Variants in JPH1 observed in about 807,000 individuals in gnomAD.
The protein encoded by JPH1 is junctophilin 1.
In JPH1, 12 loss-of-function variants were observed where a neutral mutation model predicts 53.6. The ratio of observed to expected loss-of-function variants is 0.22; its 90% CI spans 0.14 to 0.36. The LOEUF (loss-of-function observed/expected upper bound fraction) is 0.36, where lower values mean the gene tolerates loss of function less well. Ranked by LOEUF, JPH1 falls within the 10% of genes least tolerant of loss-of-function variation. JPH1 has a pLI of 1.00. For missense variants in JPH1, 808 were observed against 905.5 expected, an observed-to-expected ratio of 0.89 and a Z score of 1.38; for synonymous variants, 375 against 363.8, an observed-to-expected ratio of 1.03 and a Z score of -0.35.
intron 3 of JPH1, among the ~76,000 whole-genome samples, chr8:74,247,372 T>C (rs1805888586): frequency 6.6e-6 from 1 of 152,198 alleles, no homozygotes; most frequent in Non-Finnish European, 1.5e-5. Flanking sequence ...ATAATTAAAA[T>C]AGTCAAGGGC....
At chr8:74,300,945 T>C (rs756831914) in intron 2 of JPH1, among the ~76,000 whole-genome samples, 1 of 152,120 alleles carries the variant, frequency 6.6e-6, no homozygotes, top group African/African-American at 2.4e-5. Context: ...CCCGCCCCAT[T>C]TCCCCAACCA....
chr8:74,257,442 T>A (rs1370214337), intron 3 of JPH1, among the ~76,000 whole-genome samples: 1 of 152,182 alleles, frequency 6.6e-6, no homozygotes, highest in East Asian at 1.9e-4. Context: ...CCCAACAGAA[T>A]TAACAGAACC....
intron 3 of JPH1, among the ~76,000 whole-genome samples, chr8:74,246,493 G>T (rs1464500409): frequency 6.6e-6 from 1 of 152,036 alleles, no homozygotes; most frequent in Non-Finnish European, 1.5e-5. Flanking sequence ...TAATGAGGCT[G>T]CTATTTAATT....
At chr8:74,262,095 G>C (rs1485849557) in intron 2 of JPH1, among the ~76,000 whole-genome samples, 1 of 151,982 alleles carries the variant, frequency 6.6e-6, no homozygotes, top group Non-Finnish European at 1.5e-5. Flanking sequence ...ATCCAGCCCA[G>C]CTCTGTGGCT....
chr8:74,310,781 A>C (rs1807972004), intron 2 of JPH1, among the ~76,000 whole-genome samples: 2 of 152,150 alleles, frequency 1.3e-5, no homozygotes, highest in Admixed American at 6.5e-5. Context: ...GCCAACTTGA[A>C]CCTTTGCTTC....
chr8:74,311,828 T>C (rs1183169049), intron 2 of JPH1, among the ~76,000 whole-genome samples: 1 of 152,078 alleles, frequency 6.6e-6, no homozygotes, highest in Non-Finnish European at 1.5e-5. Flanking sequence ...ATTTCATCCA[T>C]GTCCCTACAA....
At chr8:74,253,969 G>A (rs1806144116) in intron 3 of JPH1, among the ~76,000 whole-genome samples, 1 of 152,098 alleles carries the variant, frequency 6.6e-6, no homozygotes, top group Admixed American at 6.5e-5. Context: ...GAGGTACAAG[G>A]AGGAGCTGGT....
intron 1 of JPH1, among the ~76,000 whole-genome samples, chr8:74,317,519 A>G (rs1353434744): frequency 6.6e-6 from 1 of 152,198 alleles, no homozygotes; most frequent in African/African-American, 2.4e-5. Context: ...AATTATTAGG[A>G]AATTTTGACT....
intron 2 of JPH1, 49 bp downstream of exon 2, chr8:74,314,812 C>A: frequency 1.3e-6 from 2 of 1,598,526 alleles, no homozygotes; most frequent in Non-Finnish European, 1.7e-6. Context: ...ATTTGATACT[C>A]CATTGTTCTG....
chr8:74,305,744 A>G (rs962910736), intron 2 of JPH1, among the ~76,000 whole-genome samples: 1 of 152,198 alleles, frequency 6.6e-6, no homozygotes, highest in Non-Finnish European at 1.5e-5. Flanking sequence ...TACCCTATAC[A>G]GTCTCTTCTC....
chr8:74,307,610 CTA>C (rs1245055050), intron 2 of JPH1, among the ~76,000 whole-genome samples: 1 of 152,172 alleles, frequency 6.6e-6, no homozygotes, highest in Non-Finnish European at 1.5e-5. Flanking sequence ...ATTTAACAAT[CTA>C]TTCATTAAAA....
At chr8:74,277,715 G>A (rs1806888535) in intron 2 of JPH1, among the ~76,000 whole-genome samples, 1 of 152,172 alleles carries the variant, frequency 6.6e-6, no homozygotes, top group Admixed American at 6.5e-5. Flanking sequence ...AGGGCTAGAC[G>A]AGGCTCACAG....
chr8:74,240,549 A>G (rs1352844157), intron 4 of JPH1, among the ~76,000 whole-genome samples: 1 of 152,144 alleles, frequency 6.6e-6, no homozygotes, highest in Non-Finnish European at 1.5e-5. Flanking sequence ...ACTTCACATC[A>G]TGACCAGATG....
intron 3 of JPH1, among the ~76,000 whole-genome samples, chr8:74,247,718 C>G (rs754046445): frequency 6.6e-6 from 1 of 152,042 alleles, no homozygotes; most frequent in Non-Finnish European, 1.5e-5. Flanking sequence ...TTGTAGCTTA[C>G]AAATTTAGGA....
At chr8:74,287,265 C>G (rs1807193393) in intron 2 of JPH1, among the ~76,000 whole-genome samples, 1 of 152,036 alleles carries the variant, frequency 6.6e-6, no homozygotes, top group Non-Finnish European at 1.5e-5. Context: ...AACCCTGTCT[C>G]TACTAAAAAT....
intron 2 of JPH1, among the ~76,000 whole-genome samples, chr8:74,301,479 T>C (rs1807680360): frequency 6.6e-6 from 1 of 152,220 alleles, no homozygotes; most frequent in African/African-American, 2.4e-5. Context: ...GGTGGAGGAC[T>C]AGAGAATTTT....
intron 2 of JPH1, among the ~76,000 whole-genome samples, chr8:74,264,119 T>C (rs928420388): frequency 2.0e-5 from 3 of 152,230 alleles, no homozygotes; most frequent in African/African-American, 7.2e-5. Context: ...GGCCCTGAGA[T>C]GTCTGTCCCA....
At chr8:74,256,123 C>A (rs556744279) in intron 3 of JPH1, among the ~76,000 whole-genome samples, 1 of 152,190 alleles carries the variant, frequency 6.6e-6, no homozygotes, top group African/African-American at 2.4e-5. Context: ...TTGACAATAG[C>A]AAAGACTTGG....
chr8:74,287,354 G>T (rs1421302201), intron 2 of JPH1, among the ~76,000 whole-genome samples: 1 of 151,960 alleles, frequency 6.6e-6, no homozygotes, highest in African/African-American at 2.4e-5. Flanking sequence ...CGTGAACCTG[G>T]GAGGCAGAGG....
Sources: gnomAD v4.1 joint callset for allele counts (sites outside exome capture counted in the v4.1 genomes callset) on GRCh38, gnomAD v4.1.1 for gene constraint, MANE v1.5 for transcripts, NCBI Gene and HGNC (gene_info 2026-07-23, HGNC 2026-07-21) for gene names.